NXPH2: variants seen among roughly 807,000 people sequenced by gnomAD.
The protein encoded by NXPH2 is neurexophilin 2, also known as neurexophilin-2.
In NXPH2, 5 loss-of-function variants were observed where a neutral mutation model predicts 19.8. The ratio of observed to expected loss-of-function variants is 0.25; its 90% CI spans 0.13 to 0.53. The LOEUF is 0.53. NXPH2 is among the 20% of genes least tolerant of loss of function. The probability of loss-of-function intolerance (pLI) is 0.96; values close to 1 mark genes in which losing one functional copy is unlikely to be tolerated. For missense variants in NXPH2, 289 were observed against 322.8 expected, an observed-to-expected ratio of 0.90 and a Z score of 0.80; for synonymous variants, 154 against 127.4, an observed-to-expected ratio of 1.21 and a Z score of -1.41.
intron 1 of NXPH2, among the ~76,000 whole-genome samples, chr2:138,718,754 C>A (rs907991661): frequency 7.2e-5 from 11 of 152,174 alleles, no homozygotes; most frequent in Admixed American, 2.0e-4. Context: ...TAACTTGGTT[C>A]TGTAGTAAAT....
chr2:138,779,395 G>A (rs1044126858), intron 1 of NXPH2, among the ~76,000 whole-genome samples: 1 of 152,202 alleles, frequency 6.6e-6, no homozygotes, highest in Non-Finnish European at 1.5e-5. Flanking sequence ...TATATCAGGA[G>A]GAGGAGAGCG....
rs766908982 is a variant in NXPH2, at chr2:138,671,554, G to C, written c.163C>G (p.Pro55Ala). The C allele has an allele frequency of 6.2e-7, 1 of 1,613,866 alleles. No homozygotes were observed. The highest frequency in any genetic ancestry group is 1.3e-5 in the African/African-American group (1 of 74,938). The stretch of plus-strand genomic sequence containing the variant: ...GACTGTTTAACAAACAGGCGCAGGG[G>C]ACTGATGATCCTTGAGTGCACCACG... ...GNVVHSRIIS[P>A]LRLFVKQSPV... is the part of the protein sequence containing the mutation. The change falls in exon 2 of 2, where the codon CCC (proline) becomes GCC (alanine). Residue 55 changes from proline (P) to alanine (A), a missense_variant. Physicochemically the swap from Pro to Ala is conservative, Grantham distance 27. Transcript: ENST00000272641.
chr2:138,713,107 T>C (rs533458932), intron 1 of NXPH2, among the ~76,000 whole-genome samples: 14 of 152,312 alleles, frequency 9.2e-5, no homozygotes, highest in African/African-American at 3.1e-4. Context: ...CCTTGCTAAG[T>C]CCCAAGGGGC....
chr2:138,740,860 A>G (rs999863696), intron 1 of NXPH2, among the ~76,000 whole-genome samples: 1 of 151,942 alleles, frequency 6.6e-6, no homozygotes, highest in African/African-American at 2.4e-5. Flanking sequence ...GCCACGCTGT[A>G]AACTCTGCCA....
chr2:138,768,349 A>G (rs1682124644), intron 1 of NXPH2, among the ~76,000 whole-genome samples: 1 of 152,104 alleles, frequency 6.6e-6, no homozygotes, highest in South Asian at 2.1e-4. Context: ...CTCTTTCTCT[A>G]ATAGAGCTCC....
intron 1 of NXPH2, among the ~76,000 whole-genome samples, chr2:138,686,180 T>C (rs1680647676): frequency 6.6e-6 from 1 of 152,210 alleles, no homozygotes; most frequent in Admixed American, 6.5e-5. Flanking sequence ...GCGTCTTTCC[T>C]GGCATCTGGA....
intron 1 of NXPH2, among the ~76,000 whole-genome samples, chr2:138,701,286 GC>G (rs1680919009): frequency 6.6e-6 from 1 of 152,160 alleles, no homozygotes; most frequent in Non-Finnish European, 1.5e-5. Flanking sequence ...CCTAGGGAAT[GC>G]CCATTGGTTG....
intron 1 of NXPH2, among the ~76,000 whole-genome samples, chr2:138,729,356 C>T (rs996845372): frequency 2.0e-5 from 3 of 152,182 alleles, no homozygotes; most frequent in African/African-American, 7.2e-5. Flanking sequence ...CTTCTCTCTC[C>T]TGCCACCTTG....
intron 1 of NXPH2, among the ~76,000 whole-genome samples, chr2:138,776,322 A>T (rs1682261410): frequency 1.3e-5 from 2 of 152,088 alleles, no homozygotes; most frequent in Admixed American, 1.3e-4. Context: ...TTACAAAAAA[A>T]TACAGAACAA....
At chr2:138,757,292 G>C (rs963351424) in intron 1 of NXPH2, among the ~76,000 whole-genome samples, 3 of 152,170 alleles carry the variant, frequency 2.0e-5, no homozygotes, top group Non-Finnish European at 4.4e-5. Flanking sequence ...CCATGAGAGA[G>C]ATTCTTCTGA....
intron 1 of NXPH2, among the ~76,000 whole-genome samples, chr2:138,691,799 C>T (rs1224008890): frequency 6.6e-6 from 1 of 152,126 alleles, no homozygotes; most frequent in East Asian, 1.9e-4. Context: ...CCATCTTGAG[C>T]CTTCCAGATC....
At chr2:138,691,383 G>A (rs1680742721) in intron 1 of NXPH2, among the ~76,000 whole-genome samples, 1 of 152,126 alleles carries the variant, frequency 6.6e-6, no homozygotes, top group East Asian at 1.9e-4. Flanking sequence ...GAAAATGACT[G>A]ATGACCACTA....
intron 1 of NXPH2, among the ~76,000 whole-genome samples, chr2:138,748,581 C>T (rs976961227): frequency 2.0e-5 from 3 of 152,064 alleles, no homozygotes; most frequent in African/African-American, 7.2e-5. Flanking sequence ...ATCTGAAATT[C>T]TCTCTCTCTT....
chr2:138,671,694 C>T (rs1680419853), intron 1 of NXPH2, 29 bp from the exon 2 acceptor site: 1 of 1,520,034 alleles, frequency 6.6e-7, no homozygotes, highest in African/African-American at 1.4e-5. Context: ...GAGAAATAAA[C>T]TTTAGGTTAG....
chr2:138,711,041 G>A (rs2104987708), intron 1 of NXPH2, among the ~76,000 whole-genome samples: 1 of 151,822 alleles, frequency 6.6e-6, no homozygotes, highest in East Asian at 1.9e-4. Flanking sequence ...CTCTCATATT[G>A]CAAAATGTTA....
Position 138,670,589 on chromosome 2 carries a change from C to T in NXPH2, c.*333G>A, listed in dbSNP as rs1680398854. Among the ~76,000 whole-genome samples, 1 of 152,272 alleles carries T rather than the reference C, an allele frequency of 6.6e-6. No individual in the cohort carries two copies. ...GGCTCATTTCAAGAGCAATGTTTGT[C>T]ACATGCATAATTTTGTTCCTTCTTG... On this transcript the variant is annotated 3_prime_UTR_variant, in exon 2 of 2. Transcript: ENST00000272641.
chr2:138,752,768 G>C (rs1413378380), intron 1 of NXPH2, among the ~76,000 whole-genome samples: 1 of 151,946 alleles, frequency 6.6e-6, no homozygotes, highest in Non-Finnish European at 1.5e-5. Context: ...GACTTTCTTT[G>C]TTTCCGACGA....
rs147794022 is a variant in NXPH2, at chr2:138,705,460, C to T, written c.52-33795G>A. Reference sequence around the variant, plus strand: ...ACATGTAGTACTATGCTTATTTTGGCAGTCTAAAGACCCAGAGTGTCTTCT... The same window carrying T: ...ACATGTAGTACTATGCTTATTTTGGTAGTCTAAAGACCCAGAGTGTCTTCT... On this transcript the variant is annotated intron_variant, in intron 1 of 1. Coordinates refer to ENST00000272641, the MANE Select transcript of NXPH2 (RefSeq NM_007226.3). 4.6e-5 allele frequency among the ~76,000 whole-genome samples: 7 copies of T among 152,254 alleles called. No individual in the cohort carries two copies. In the East Asian group the frequency reaches 1.4e-3, roughly 29 times the overall value.
chr2:138,712,013 A>C (rs1681114659), intron 1 of NXPH2, among the ~76,000 whole-genome samples: 1 of 152,118 alleles, frequency 6.6e-6, no homozygotes, highest in African/African-American at 2.4e-5. Flanking sequence ...GTTTCATAGC[A>C]CCTTGGGACA....
Sources: gnomAD v4.1 joint callset for allele counts (sites outside exome capture counted in the v4.1 genomes callset) on GRCh38, gnomAD v4.1.1 for gene constraint, MANE v1.5 for transcripts, NCBI Gene and HGNC (gene_info 2026-07-23, HGNC 2026-07-21) for gene names.